NRG1: variants seen among roughly 807,000 people sequenced by gnomAD.
NRG1 encodes the protein pro-neuregulin-1, membrane-bound isoform.
In NRG1, 18 loss-of-function variants were observed where a neutral mutation model predicts 63.8. The ratio of observed to expected loss-of-function variants is 0.28; its 90% CI spans 0.19 to 0.42. The LOEUF is 0.42. Ranked by LOEUF, NRG1 falls within the 10% of genes least tolerant of loss-of-function variation. The probability of loss-of-function intolerance (pLI) is 1.00; values close to 1 mark genes in which losing one functional copy is unlikely to be tolerated. For missense variants in NRG1, 762 were observed against 814.7 expected, an observed-to-expected ratio of 0.94 and a Z score of 0.79; for synonymous variants, 302 against 301.3, an observed-to-expected ratio of 1.00 and a Z score of -0.02.
chr8:31,708,171 C>T (rs80268539), intron 1 of NRG1, among the ~76,000 whole-genome samples: 3,400 of 152,222 alleles, frequency 0.022, 64 homozygotes, highest in East Asian at 0.058. Context: ...ACTTGTATCA[C>T]CTAGTGATTC....
chr8:32,367,550 C>A (rs886888885), intron 1 of NRG1, among the ~76,000 whole-genome samples: 3 of 151,588 alleles, frequency 2.0e-5, no homozygotes, highest in Admixed American at 6.6e-5. Flanking sequence ...TTATGTTGTT[C>A]CTGGATATAC....
chr8:31,905,087 CAGA>C (rs1211664180), intron 1 of NRG1, among the ~76,000 whole-genome samples: 1 of 151,778 alleles, frequency 6.6e-6, no homozygotes, highest in Non-Finnish European at 1.5e-5. Flanking sequence ...ATCATACAAG[CAGA>C]AGAAGCTGAT....
intron 1 of NRG1, among the ~76,000 whole-genome samples, chr8:32,227,597 C>T (rs889103004): frequency 3.9e-5 from 6 of 152,128 alleles, no homozygotes; most frequent in Non-Finnish European, 8.8e-5. Flanking sequence ...CCTTTCCTTT[C>T]GGAATTTCTT....
exon 5 of NRG1, chr8:32,616,884 A>G: frequency 6.3e-7 from 1 of 1,579,350 alleles, no homozygotes; most frequent in South Asian, 1.1e-5. Context: ...ATACTTCTTC[A>G]TGTAAGTATA....
chr8:32,173,597 T>C (rs1208297883), intron 1 of NRG1, among the ~76,000 whole-genome samples: 5 of 151,920 alleles, frequency 3.3e-5, no homozygotes, highest in African/African-American at 1.2e-4. Flanking sequence ...AGGAAACCCA[T>C]CTCACGTGCA....
At chr8:31,893,202 G>T (rs1831288280) in intron 1 of NRG1, among the ~76,000 whole-genome samples, 2 of 150,284 alleles carry the variant, frequency 1.3e-5, no homozygotes, top group African/African-American at 4.9e-5. Flanking sequence ...ATATAGGGAG[G>T]AAAGTACCAT....
chr8:32,181,424 A>G (rs1027593673), intron 1 of NRG1, among the ~76,000 whole-genome samples: 9 of 152,150 alleles, frequency 5.9e-5, no homozygotes, highest in African/African-American at 2.4e-5. Flanking sequence ...TCTATACTTT[A>G]TTCTCTTTTA....
At chr8:32,665,723 A>G (rs1301104872) in intron 5 of NRG1, among the ~76,000 whole-genome samples, 1 of 152,226 alleles carries the variant, frequency 6.6e-6, no homozygotes, top group Non-Finnish European at 1.5e-5. Flanking sequence ...AGCCATTGAT[A>G]TTAGACGTGT....
chr8:32,253,595 G>GT (rs2129470906), intron 1 of NRG1, among the ~76,000 whole-genome samples: 1 of 152,296 alleles, frequency 6.6e-6, no homozygotes, highest in Non-Finnish European at 1.5e-5. Flanking sequence ...CAGTTTGCCA[G>GT]TATTTTATTC....
At chr8:32,033,123 C>T (rs1428261660) in intron 1 of NRG1, among the ~76,000 whole-genome samples, 5 of 135,308 alleles carry the variant, frequency 3.7e-5, no homozygotes, top group Non-Finnish European at 7.7e-5. Context: ...GAGACAGAGT[C>T]TCGCTCTTCT....
At chr8:31,780,908 T>C (rs1381551861) in intron 1 of NRG1, among the ~76,000 whole-genome samples, 1 of 152,162 alleles carries the variant, frequency 6.6e-6, no homozygotes, top group Non-Finnish European at 1.5e-5. Flanking sequence ...AATTATGAGC[T>C]CCATTGATCC....
At chr8:32,530,692 G>A (rs960845462) in intron 1 of NRG1, among the ~76,000 whole-genome samples, 2 of 152,038 alleles carry the variant, frequency 1.3e-5, no homozygotes, top group African/African-American at 2.4e-5. Flanking sequence ...GTATTAAGTG[G>A]TTATAGTGAA....
rs377501196 is a variant in NRG1, at chr8:31,991,355, T to A, written c.37+351924T>A. On this transcript the variant is annotated intron_variant, in intron 1 of 10. Transcript: ENST00000519301. ...TCTCTTTCTTTCCTCTTTATTTTTCTTCTTTCTTTCCTCCTCCTCCTCCTC... is the reference window on the plus strand; with the variant it reads ...TCTCTTTCTTTCCTCTTTATTTTTCATCTTTCTTTCCTCCTCCTCCTCCTC... Among the ~76,000 whole-genome samples the A allele has an allele frequency of 1.2e-4, 18 of 151,990 alleles. No individual in the cohort carries two copies. The South Asian group carries it at 3.8e-3, about 32-fold the overall frequency.
chr8:32,495,150 C>T (rs1827043426), intron 1 of NRG1, among the ~76,000 whole-genome samples: 1 of 152,110 alleles, frequency 6.6e-6, no homozygotes, highest in Admixed American at 6.5e-5. Context: ...GACTAGGTCC[C>T]CACCCAAAAT....
chr8:31,811,452 T>C (rs1159824683), intron 1 of NRG1, among the ~76,000 whole-genome samples: 1 of 152,228 alleles, frequency 6.6e-6, no homozygotes, highest in Non-Finnish European at 1.5e-5. Flanking sequence ...CGATGTGCCA[T>C]GCACTTATTC....
At chr8:32,040,750 C>CATATATATATAT (rs71208164) in intron 1 of NRG1, among the ~76,000 whole-genome samples, 1,124 of 48,686 alleles carry the variant, frequency 0.023, 100 homozygotes, top group South Asian at 0.049. Flanking sequence ...AATTTAGGCG[C>CATATATATATAT]ATATATATAT....
chr8:32,705,609 A>G (rs1184094556), intron 5 of NRG1, among the ~76,000 whole-genome samples: 1 of 152,192 alleles, frequency 6.6e-6, no homozygotes, highest in Non-Finnish European at 1.5e-5. Flanking sequence ...AGAGTGAACA[A>G]GGTACTAGTT....
At chr8:32,400,607 G>C (rs562853864) in intron 1 of NRG1, among the ~76,000 whole-genome samples, 3 of 152,092 alleles carry the variant, frequency 2.0e-5, no homozygotes, top group Admixed American at 2.0e-4. Context: ...ACCATTTCAC[G>C]CCAGTCAGAA....
At chr8:32,688,166 A>G (rs1444816506) in intron 5 of NRG1, among the ~76,000 whole-genome samples, 1 of 152,208 alleles carries the variant, frequency 6.6e-6, no homozygotes, top group Non-Finnish European at 1.5e-5. Context: ...GCATAAGGCT[A>G]CCAATATGTT....
Sources: allele counts gnomAD v4.1 joint callset (sites outside exome capture counted in the v4.1 genomes callset), GRCh38; gene constraint gnomAD v4.1.1; transcripts MANE v1.5; gene names NCBI Gene and HGNC (gene_info 2026-07-23, HGNC 2026-07-21).